MACF1: variants seen among roughly 807,000 people sequenced by gnomAD.
MACF1 encodes the protein microtubule-actin cross-linking factor 1.
A neutral mutation model predicts 854.8 loss-of-function variants in MACF1; 193 were observed. That is an observed-to-expected ratio of 0.23 (90% CI 0.20 to 0.25). MACF1 has a LOEUF of 0.25. Ranked by LOEUF, MACF1 falls within the 10% of genes least tolerant of loss-of-function variation. MACF1 has a pLI of 1.00. For synonymous variants in MACF1, 3,185 were observed against 3,226.7 expected, an observed-to-expected ratio of 0.99 and a Z score of 0.44; for missense variants, 7,722 against 8,929.1, an observed-to-expected ratio of 0.86 and a Z score of 5.45.
In MACF1 at chr1:39,452,436, G is replaced by A. The variant is rs960754520; in HGVS notation, c.20613+86G>A. On this transcript the variant is annotated intron_variant, in intron 86 of 100. Coordinates refer to ENST00000564288, the MANE Select transcript of MACF1 (RefSeq NM_001394062.1). ...CTTTTACTAGAATCTGTTCCAGTCAGTCTTGAAATAAGTATAACAGAGTTG... is the reference window on the plus strand; with the variant it reads ...CTTTTACTAGAATCTGTTCCAGTCAATCTTGAAATAAGTATAACAGAGTTG... 3.7e-6 allele frequency: 5 copies of A among 1,361,220 alleles called. No individual in the cohort carries two copies. In the African/African-American group the frequency reaches 5.8e-5, roughly 16 times the overall value. The allele number at this position is 1,361,220 out of a possible 1,614,324, so 84.3% of individuals were successfully genotyped here.
At chr1:39,193,187 G>A (rs1644277727) in intron 2 of MACF1, among the ~76,000 whole-genome samples, 2 of 151,814 alleles carry the variant, frequency 1.3e-5, no homozygotes, top group African/African-American at 2.4e-5. Flanking sequence ...AGTCCCCATA[G>A]ACAGGGCTTC....
At chr1:39,271,845 C>A (rs1241582004) in intron 6 of MACF1, among the ~76,000 whole-genome samples, 3 of 152,160 alleles carry the variant, frequency 2.0e-5, no homozygotes, top group African/African-American at 7.2e-5. Flanking sequence ...TGGATCTCCA[C>A]ACTGGCAAGG....
At chr1:39,411,900 T>C (rs753295926) in intron 58 of MACF1, 1 of 1,614,002 alleles carries the variant, frequency 6.2e-7, no homozygotes, top group East Asian at 2.2e-5. Context: ...CCCTGGATTC[T>C]TCTCAGGTGC....
chr1:39,174,609 G>A (rs1486578711), intron 2 of MACF1, among the ~76,000 whole-genome samples: 1 of 152,116 alleles, frequency 6.6e-6, no homozygotes, highest in Non-Finnish European at 1.5e-5. Flanking sequence ...TGTCTTCTTA[G>A]TTGAATGTCA....
In MACF1 at chr1:39,485,790, G is replaced by T; in HGVS notation, c.22664G>T (p.Arg7555Leu). The T allele has an allele frequency of 6.3e-7, 1 of 1,592,338 alleles. No individual in the cohort carries two copies. Residue 7555 changes from arginine to leucine, a missense_variant, in exon 101 of 101, where the codon CGA becomes CTA. By Grantham distance (102) the Arg-to-Leu change is moderately radical (BLOSUM62 -2). This residue lies in a region of MACF1 where 185 missense variants were observed against 225.7 expected (regional missense o/e 0.82). Transcript: ENST00000564288. ...TASPRTPGPK[R>L] ...TCCCCCAGGACTCCAGGTCCCAAGCGATAACACTGTCTAAGCACCCCCAAG... is the reference window on the plus strand; with the variant it reads ...TCCCCCAGGACTCCAGGTCCCAAGCTATAACACTGTCTAAGCACCCCCAAG...
intron 87 of MACF1, among the ~76,000 whole-genome samples, 165 bp downstream of exon 87, chr1:39,452,977 G>A (rs928273779): frequency 2.6e-5 from 4 of 152,194 alleles, no homozygotes; most frequent in African/African-American, 7.2e-5. Context: ...AAAGGGAAGC[G>A]ACTGATGGGT....
rs5773658 is a variant in MACF1 at position 39,406,738 on chromosome 1, C to CAAAAAAAAAAAAAA, written c.15817-15629_15817-15616dup. Among the ~76,000 whole-genome samples the CAAAAAAAAAAAAAA allele has an allele frequency of 1.4e-3, 46 of 31,814 alleles. 2 individuals are homozygous for CAAAAAAAAAAAAAA. The highest frequency in any genetic ancestry group is 5.2e-3 in the African/African-American group (35 of 6,774). 20.9% of individuals were successfully genotyped at this position (31,814 alleles called of 152,430 possible). On this transcript the variant is annotated intron_variant, in intron 58 of 100. Coordinates refer to ENST00000564288, the MANE Select transcript of MACF1 (RefSeq NM_001394062.1). ...CGACAGAGTGAGACAGAGTCTCACTCAAAAAAAAAAAAAAAAAAAACATTC... is the reference window on the plus strand; with the variant it reads ...CGACAGAGTGAGACAGAGTCTCACTCAAAAAAAAAAAAAAAAAAAAAAAAAAAAAAAAAACATTC...
intron 21 of MACF1, chr1:39,298,798 A>G (rs1645978294): frequency 2.8e-6 from 1 of 351,004 alleles, no homozygotes; most frequent in African/African-American, 2.1e-5. Flanking sequence ...TACTGCAAGT[A>G]TGAAGGAGGA....
chr1:39,173,897 C>T (rs1643987894), intron 2 of MACF1, among the ~76,000 whole-genome samples: 1 of 152,018 alleles, frequency 6.6e-6, no homozygotes, highest in South Asian at 2.1e-4. Flanking sequence ...AGAAGAAAAG[C>T]GCTTTTGATT....
intron 58 of MACF1, among the ~76,000 whole-genome samples, chr1:39,417,821 G>A (rs963704308): frequency 2.9e-5 from 4 of 136,888 alleles, no homozygotes; most frequent in South Asian, 2.4e-4. Context: ...CAGGTGATCC[G>A]CCTGCCTCGG....
At chr1:39,094,225 G>A (rs1041497111) in intron 2 of MACF1, among the ~76,000 whole-genome samples, 7 of 151,880 alleles carry the variant, frequency 4.6e-5, no homozygotes, top group Non-Finnish European at 7.4e-5. Context: ...TGGGAGGCTC[G>A]CTTGAAGCCA....
intron 58 of MACF1, among the ~76,000 whole-genome samples, chr1:39,397,657 A>G (rs1642326908): frequency 6.6e-6 from 1 of 152,214 alleles, no homozygotes; most frequent in African/African-American, 2.4e-5. Context: ...AGGCAAAATC[A>G]TCTATCAGAA....
chr1:39,331,369 C>CT lies in MACF1; in HGVS notation c.4784dup (p.Leu1595PhefsTer11). The CT allele has an allele frequency of 6.2e-7, 1 of 1,613,932 alleles. No homozygotes were observed. Among genetic ancestry groups the CT allele is most frequent in the Non-Finnish European group, 8.5e-7 (1 of 1,179,984 alleles). ...GCCCCTGAGACGGGTGAAAACCTCT[C>CT]TTTGGAGGAGGGCATAGCCAGAAAC... On this transcript the variant is annotated frameshift_variant, in exon 37 of 101. Transcript: ENST00000564288. LOFTEE classifies it high-confidence loss of function.
At chr1:39,241,077 C>G (rs1054206307) in intron 2 of MACF1, among the ~76,000 whole-genome samples, 1 of 143,684 alleles carries the variant, frequency 7.0e-6, no homozygotes, top group African/African-American at 2.6e-5. Flanking sequence ...TAGTGTTGGG[C>G]TTTTCCTTGA....
In MACF1 at chr1:39,453,790, C is replaced by T. The variant is rs1644383970; in HGVS notation, c.20826C>T (p.His6942=). 1.9e-6 allele frequency: 3 copies of T among 1,614,210 alleles called. No homozygotes were observed. Among genetic ancestry groups the T allele is most frequent in the Admixed American group, 1.7e-5 (1 of 60,020 alleles). ...GAGAAGTCATCCTGGCTGTCTGCCA[C>T]CCCGATTGCATCACAACCATCAAAC... ...AMGEVILAVC[H]PDCITTIKHW... is the part of the protein sequence containing the mutation. The change falls in exon 88 of 101, where the codon CAC becomes CAT. Residue 6942 remains histidine, a synonymous_variant. Coordinates refer to ENST00000564288, the MANE Select transcript of MACF1 (RefSeq NM_001394062.1).
chr1:39,402,440 T>C (rs1642515039), intron 58 of MACF1, among the ~76,000 whole-genome samples: 1 of 152,060 alleles, frequency 6.6e-6, no homozygotes, highest in Non-Finnish European at 1.5e-5. Context: ...TGGGATAGTT[T>C]AGAGCACATA....
chr1:39,235,770 C>T (rs1487706504), intron 2 of MACF1, among the ~76,000 whole-genome samples: 1 of 152,204 alleles, frequency 6.6e-6, no homozygotes, highest in Non-Finnish European at 1.5e-5. Context: ...AGGGTTTACT[C>T]TGTTGCCAGG....
intron 28 of MACF1, 81 bp downstream of exon 28, chr1:39,316,610 G>A: frequency 2.2e-6 from 3 of 1,381,816 alleles, no homozygotes; most frequent in Non-Finnish European, 2.9e-6. Flanking sequence ...ATTTTGGATG[G>A]CATGACACTG....
intron 70 of MACF1, among the ~76,000 whole-genome samples, chr1:39,437,512 A>T (rs1307026553): frequency 6.6e-6 from 1 of 151,844 alleles, no homozygotes; most frequent in East Asian, 1.9e-4. Context: ...GCGTTTCACC[A>T]TGTTGGCCAG....
Sources: gnomAD v4.1 joint callset for allele counts (sites outside exome capture counted in the v4.1 genomes callset) on GRCh38, gnomAD v4.1.1 for gene constraint, gnomAD v4.1.1 regional missense constraint, MANE v1.5 for transcripts, NCBI Gene and HGNC (gene_info 2026-07-23, HGNC 2026-07-21) for gene names.